CDC14B: variants seen among roughly 807,000 people sequenced by gnomAD.
The protein encoded by CDC14B is dual specificity protein phosphatase CDC14B.
Under a neutral mutation model 64.2 loss-of-function variants are expected in CDC14B, and 22 were observed. The observed-to-expected ratio is 0.34, with a 90% confidence interval of 0.24 to 0.49. The LOEUF (loss-of-function observed/expected upper bound fraction) is 0.49, where lower values mean the gene tolerates loss of function less well. CDC14B is among the 20% of genes least tolerant of loss of function. The pLI, the probability that CDC14B is intolerant of heterozygous loss-of-function variation, is 0.99. For synonymous variants in CDC14B, 191 were observed against 215.8 expected (o/e 0.89, Z 1.01); for missense variants, 498 against 629.9 (o/e 0.79, Z 2.24).
At chr9:96,514,361 C>A (rs759822582) in intron 12 of CDC14B, 216 of 871,444 alleles carry the variant, frequency 2.5e-4, no homozygotes, top group Non-Finnish European at 2.7e-4. Context: ...ATGTGGCAAT[C>A]GTAGTTGACT....
At chr9:96,553,081 G>A (rs929391494) in intron 4 of CDC14B, among the ~76,000 whole-genome samples, 5 of 152,184 alleles carry the variant, frequency 3.3e-5, no homozygotes, top group African/African-American at 1.2e-4. Context: ...ATTCACTGAT[G>A]TACTTAGCTG....
At chr9:96,541,338 T>C (rs988955907) in intron 6 of CDC14B, among the ~76,000 whole-genome samples, 6 of 152,164 alleles carry the variant, frequency 3.9e-5, no homozygotes, top group Non-Finnish European at 7.3e-5. Context: ...CATAAAACTG[T>C]ATAACAAACT....
intron 1 of CDC14B, among the ~76,000 whole-genome samples, chr9:96,601,096 T>C (rs893545422): frequency 6.6e-6 from 1 of 152,194 alleles, no homozygotes; most frequent in African/African-American, 2.4e-5. Flanking sequence ...AATATTTATC[T>C]TGTTGATGTG....
chr9:96,616,420 G>C (rs1190310973), intron 1 of CDC14B, among the ~76,000 whole-genome samples: 2 of 151,954 alleles, frequency 1.3e-5, no homozygotes, highest in Admixed American at 6.6e-5. Flanking sequence ...ACCAAGGGAG[G>C]AAGACTCCAT....
chr9:96,503,515 T>G lies in CDC14B; in HGVS notation c.*238A>C. The stretch of plus-strand genomic sequence containing the variant: ...GGGTATTTACACCTGAGACTAAATT[T>G]ACAACAGCATGTTTGTCATTCAGCT... On this transcript the variant is annotated 3_prime_UTR_variant, in exon 14 of 14. Coordinates refer to ENST00000375241, the MANE Select transcript of CDC14B (RefSeq NM_033331.4). 1 of 538,044 alleles carries G rather than the reference T, an allele frequency of 1.9e-6. No homozygotes were observed. Among genetic ancestry groups the G allele is most frequent in the Non-Finnish European group, 3.3e-6 (1 of 306,708 alleles). 33.3% of individuals were successfully genotyped at this position (538,044 alleles called of 1,614,324 possible).
chr9:96,545,021 C>T (rs1027516482), intron 5 of CDC14B, among the ~76,000 whole-genome samples: 2 of 152,192 alleles, frequency 1.3e-5, no homozygotes, highest in African/African-American at 4.8e-5. Flanking sequence ...CTCAGGGCTA[C>T]CCCACATCTA....
At chr9:96,574,611 T>G (rs1844684610) in intron 1 of CDC14B, among the ~76,000 whole-genome samples, 1 of 148,440 alleles carries the variant, frequency 6.7e-6, no homozygotes, top group Non-Finnish European at 1.5e-5. Context: ...ACATAAAGAT[T>G]TAGTGTTTCA....
chr9:96,562,578 C>T (rs977421237), intron 4 of CDC14B, 115 bp downstream of exon 4: 17 of 768,838 alleles, frequency 2.2e-5, no homozygotes, highest in Non-Finnish European at 3.4e-5. Flanking sequence ...AAGCAAAACA[C>T]GTTCTTTCTG....
intron 1 of CDC14B, among the ~76,000 whole-genome samples, chr9:96,568,063 AT>A (rs1844221696): frequency 6.6e-6 from 1 of 152,226 alleles, no homozygotes; most frequent in Admixed American, 6.5e-5. Context: ...GTTGTTATAG[AT>A]AAGAAGGTGC....
chr9:96,591,704 G>A (rs770817919), intron 1 of CDC14B, among the ~76,000 whole-genome samples: 21 of 152,092 alleles, frequency 1.4e-4, no homozygotes, highest in African/African-American at 4.6e-4. Flanking sequence ...TAAGTCTTCC[G>A]ATTCACAAGC....
intron 1 of CDC14B, among the ~76,000 whole-genome samples, chr9:96,599,362 C>G (rs941113494): frequency 6.7e-6 from 1 of 148,850 alleles, no homozygotes; most frequent in Non-Finnish European, 1.5e-5. Flanking sequence ...GCCTGGGCAA[C>G]AAGAGTGAAA....
intron 1 of CDC14B, among the ~76,000 whole-genome samples, chr9:96,579,273 T>C (rs1844993244): frequency 6.6e-6 from 1 of 151,946 alleles, no homozygotes. Flanking sequence ...GTCATACAGG[T>C]GGGACTGATA....
At chr9:96,505,688 G>A (rs1051382657) in intron 13 of CDC14B, among the ~76,000 whole-genome samples, 2 of 152,222 alleles carry the variant, frequency 1.3e-5, no homozygotes, top group African/African-American at 4.8e-5. Flanking sequence ...GGGAGGTAGA[G>A]AAGCCCACTC....
rs1276812250 is a variant in CDC14B, at chr9:96,501,545, G to GT, written c.*2207dup. 11 of 152,460 alleles carry GT rather than the reference G, an allele frequency of 7.2e-5. No homozygotes were observed. Among genetic ancestry groups the GT allele is most frequent in the African/African-American group, 2.7e-4 (11 of 41,434 alleles). The allele number at this position is 152,460 out of a possible 1,614,324, so 9.4% of individuals were successfully genotyped here. A position where few individuals can be genotyped will look rare whatever the true frequency, so the allele number is the denominator to read the frequency against. ...GATGCTAGAGACAGTCCTCATAAGT[G>GT]TAACACTGCCCTTGCTATGCACACC... On this transcript the variant is annotated 3_prime_UTR_variant, in exon 14 of 14. Transcript: ENST00000375241.
chr9:96,557,235 G>A (rs548734519), intron 4 of CDC14B, among the ~76,000 whole-genome samples: 1 of 152,350 alleles, frequency 6.6e-6, no homozygotes, highest in African/African-American at 2.4e-5. Flanking sequence ...TTCCCACTGA[G>A]GGCCTGTGCC....
rs536871172 is a variant in CDC14B at position 96,596,923 on chromosome 9, C to A, written c.160+22296G>T. The stretch of plus-strand genomic sequence containing the variant: ...CAACAACATAAAATGGTCTAATAAG[C>A]AGATAATTATATGTTAAGGAGAAGG... On this transcript the variant is annotated intron_variant, in intron 1 of 13. Transcript: ENST00000375241. Among the ~76,000 whole-genome samples, 54 of 150,052 alleles carry A rather than the reference C, an allele frequency of 3.6e-4. No individual in the cohort carries two copies. In the South Asian group the frequency reaches 0.011, roughly 30 times the overall value.
chr9:96,565,966 A>C (rs1454275928), intron 1 of CDC14B, among the ~76,000 whole-genome samples: 1 of 152,234 alleles, frequency 6.6e-6, no homozygotes, highest in Non-Finnish European at 1.5e-5. Context: ...CTATAGAACA[A>C]ACCATATGTT....
Position 96,534,003 on chromosome 9 carries a change from G to C in CDC14B, c.870C>G (p.Thr290=). The change falls in exon 9 of 14, where the codon ACC becomes ACG. Residue 290 remains threonine, a synonymous_variant. Transcript: ENST00000375241. The stretch of plus-strand genomic sequence containing the variant: ...ATTCTTTGACAATGGCATCAGTAGG[G>C]GTGCTGCCATCCGCAAAGAAAAGAT... ...HHDLFFADGS[T]PTDAIVKEFL... is the part of the protein sequence containing the mutation. The C allele has an allele frequency of 1.2e-6, 2 of 1,612,916 alleles. No individual in the cohort carries two copies. Among genetic ancestry groups the C allele is most frequent in the South Asian group, 1.1e-5 (1 of 90,840 alleles).
intron 9 of CDC14B, among the ~76,000 whole-genome samples, chr9:96,527,870 C>T (rs1191223467): frequency 6.6e-6 from 1 of 152,116 alleles, no homozygotes; most frequent in Non-Finnish European, 1.5e-5. Context: ...CCACCTCAGC[C>T]TCCCAAAGTG....
Sources: gnomAD v4.1 joint callset for allele counts (sites outside exome capture counted in the v4.1 genomes callset) on GRCh38, gnomAD v4.1.1 for gene constraint, MANE v1.5 for transcripts, NCBI Gene and HGNC (gene_info 2026-07-23, HGNC 2026-07-21) for gene names.